The following SNTG1 variants were observed in gnomAD, a reference collection of about 807,000 sequenced individuals.
SNTG1 encodes syntrophin gamma 1, also known as gamma-1-syntrophin.
Under a neutral mutation model 74.7 loss-of-function variants are expected in SNTG1, and 39 were observed. The observed-to-expected ratio is 0.52, with a 90% CI of 0.40 to 0.68. SNTG1 has a LOEUF of 0.68. Among genes scored for constraint, SNTG1 ranks in the 30% least tolerant of loss-of-function variants. The probability of loss-of-function intolerance (pLI) is 0.00; values close to 1 mark genes in which losing one functional copy is unlikely to be tolerated. For synonymous variants in SNTG1, 254 were observed against 217.1 expected, an observed-to-expected ratio of 1.17 and a Z score of -1.49; for missense variants, 685 against 609.5, an observed-to-expected ratio of 1.12 and a Z score of -1.30.
Position 50,228,693 on chromosome 8 carries a change from T to C in SNTG1, c.-28+56058T>C, listed in dbSNP as rs184345927. On this transcript the variant is annotated intron_variant, in intron 2 of 18. Coordinates refer to ENST00000642720, the MANE Select transcript of SNTG1 (RefSeq NM_018967.5). ...CTCTATGTTCTGCAAAACTATCCTT[T>C]GAACATGTAGAATAAATAAAGACCT... Among the ~76,000 whole-genome samples, 38 of 151,920 alleles carry C rather than the reference T, an allele frequency of 2.5e-4. 1 individual carries two copies. In the East Asian group the frequency reaches 6.2e-3, roughly 25 times the overall value.
chr8:50,056,189 T>C (rs1403345513), intron 1 of SNTG1, among the ~76,000 whole-genome samples: 1 of 152,126 alleles, frequency 6.6e-6, no homozygotes, highest in Non-Finnish European at 1.5e-5. Flanking sequence ...GGATTCTCTG[T>C]TCTTGAGCTT....
intron 13 of SNTG1, among the ~76,000 whole-genome samples, chr8:50,606,008 A>G (rs1259782758): frequency 2.0e-5 from 3 of 152,036 alleles, no homozygotes; most frequent in Non-Finnish European, 4.4e-5. Context: ...TTTGATGTGT[A>G]TTTGAATTTC....
At chr8:50,563,075 T>A (rs996276914) in intron 12 of SNTG1, among the ~76,000 whole-genome samples, 2 of 152,198 alleles carry the variant, frequency 1.3e-5, no homozygotes, top group African/African-American at 2.4e-5. Flanking sequence ...AAGGAACTGC[T>A]GTCCCTGAAG....
At chr8:50,648,432 A>G (rs980596471) in intron 13 of SNTG1, among the ~76,000 whole-genome samples, 3 of 152,126 alleles carry the variant, frequency 2.0e-5, no homozygotes, top group Admixed American at 6.6e-5. Context: ...TCATTAATAG[A>G]GAAACTGTAA....
chr8:50,487,763 C>T (rs1171917670), intron 8 of SNTG1, among the ~76,000 whole-genome samples: 4 of 151,456 alleles, frequency 2.6e-5, no homozygotes, highest in African/African-American at 9.7e-5. Context: ...GTGCAGTGCA[C>T]CAGCATGGCA....
chr8:50,458,764 T>A (rs1484011196), intron 8 of SNTG1, among the ~76,000 whole-genome samples: 1 of 75,572 alleles, frequency 1.3e-5, no homozygotes, highest in Admixed American at 1.4e-4. Flanking sequence ...ATCACTTTTA[T>A]TAATTGGGTT....
At chr8:50,140,489 ATG>A (rs2081619482) in intron 1 of SNTG1, among the ~76,000 whole-genome samples, 1 of 151,914 alleles carries the variant, frequency 6.6e-6, no homozygotes, top group Non-Finnish European at 1.5e-5. Flanking sequence ...GTTTGCGAGA[ATG>A]TGTGTGTATT....
intron 18 of SNTG1, among the ~76,000 whole-genome samples, chr8:50,762,142 A>G (rs1433825695): frequency 6.6e-6 from 1 of 151,996 alleles, no homozygotes; most frequent in African/African-American, 2.4e-5. Context: ...AAATATACTC[A>G]CATAACCAGT....
intron 8 of SNTG1, among the ~76,000 whole-genome samples, chr8:50,455,563 T>C (rs1187893008): frequency 6.6e-6 from 1 of 152,230 alleles, no homozygotes; most frequent in Non-Finnish European, 1.5e-5. Flanking sequence ...TAAAACCTAA[T>C]GCAAAAATCC....
At chr8:50,562,284 A>G (rs147736850) in intron 12 of SNTG1, among the ~76,000 whole-genome samples, 19 of 152,350 alleles carry the variant, frequency 1.2e-4, no homozygotes, top group Admixed American at 1.1e-3. Context: ...TACCATTAAC[A>G]TTGCTAATCA....
chr8:50,018,442 A>G (rs950805876), intron 1 of SNTG1, among the ~76,000 whole-genome samples: 1 of 152,030 alleles, frequency 6.6e-6, no homozygotes, highest in Non-Finnish European at 1.5e-5. Flanking sequence ...TGGATATGCA[A>G]AGAATGAGTT....
intron 8 of SNTG1, among the ~76,000 whole-genome samples, chr8:50,467,336 T>C (rs994196539): frequency 6.6e-6 from 1 of 151,890 alleles, no homozygotes; most frequent in Admixed American, 6.6e-5. Flanking sequence ...TCGTTAAATA[T>C]CTTTAATAAA....
intron 8 of SNTG1, among the ~76,000 whole-genome samples, chr8:50,472,715 CAA>C (rs941202218): frequency 1.3e-5 from 2 of 151,914 alleles, no homozygotes; most frequent in Admixed American, 6.6e-5. Flanking sequence ...AGGACACAGT[CAA>C]GAGAGTGAAA....
chr8:50,575,273 T>G (rs2094570575), intron 12 of SNTG1, among the ~76,000 whole-genome samples: 1 of 152,222 alleles, frequency 6.6e-6, no homozygotes, highest in Admixed American at 6.5e-5. Context: ...TTTTGAATAT[T>G]TATTTTTATG....
At chr8:50,594,973 T>A (rs1209382857) in intron 13 of SNTG1, among the ~76,000 whole-genome samples, 2 of 151,768 alleles carry the variant, frequency 1.3e-5, no homozygotes, top group African/African-American at 4.8e-5. Context: ...AAATTTATAA[T>A]CTAATCAGTT....
chr8:50,453,639 G>C (rs1401589221), intron 8 of SNTG1, among the ~76,000 whole-genome samples: 1 of 152,186 alleles, frequency 6.6e-6, no homozygotes, highest in Admixed American at 6.5e-5. Context: ...ATTAATAAAT[G>C]TTATGGGAAT....
chr8:50,145,958 A>G (rs1234979632), intron 1 of SNTG1, among the ~76,000 whole-genome samples: 2 of 137,468 alleles, frequency 1.5e-5, no homozygotes, highest in African/African-American at 3.1e-5. Context: ...CTAGAACTTA[A>G]AGTATAATAA....
intron 2 of SNTG1, among the ~76,000 whole-genome samples, chr8:50,266,269 C>A (rs545109048): frequency 3.9e-5 from 6 of 152,032 alleles, no homozygotes; most frequent in African/African-American, 1.4e-4. Context: ...AATTAAAATT[C>A]CGAAAAATAA....
rs888390464 is a variant in SNTG1, at chr8:50,321,790, T to A, written c.-27-72422T>A. ...GCTTAACAGTGATTGTGTAAACATA[T>A]AAGCAAAAAGAAAACTAATATAAAC... On this transcript the variant is annotated intron_variant, in intron 2 of 18. Transcript: ENST00000642720. Among the ~76,000 whole-genome samples the A allele has an allele frequency of 3.9e-5, 6 of 152,112 alleles. 1 individual carries two copies. The highest frequency in any genetic ancestry group is 1.4e-4 in the African/African-American group (6 of 41,468).
Sources: allele counts gnomAD v4.1 joint callset (sites outside exome capture counted in the v4.1 genomes callset), GRCh38; gene constraint gnomAD v4.1.1; transcripts MANE v1.5; gene names NCBI Gene and HGNC (gene_info 2026-07-23, HGNC 2026-07-21).